The following FRY variants were observed in gnomAD, a reference collection of about 807,000 sequenced individuals.
FRY encodes the protein FRY microtubule binding protein, also known as protein furry homolog.
A neutral mutation model predicts 348.4 loss-of-function variants in FRY; 128 were observed. The observed-to-expected ratio is 0.37, with a 90% CI of 0.32 to 0.43. FRY has a LOEUF of 0.43. FRY is among the 20% of genes least tolerant of loss of function. The pLI, the probability that FRY is intolerant of heterozygous loss-of-function variation, is 1.00. For synonymous variants in FRY, 1,370 were observed against 1,374.7 expected (o/e 1.00, Z 0.08); for missense variants, 2,736 against 3,695.2 (o/e 0.74, Z 6.73).
chr13:32,166,353 A>G (rs1157485437), intron 17 of FRY, among the ~76,000 whole-genome samples: 1 of 152,184 alleles, frequency 6.6e-6, no homozygotes, highest in Non-Finnish European at 1.5e-5. Context: ...TTCCTGGTCT[A>G]GTTTCTCTAT....
intron 46 of FRY, among the ~76,000 whole-genome samples, chr13:32,241,142 A>G (rs763692227): frequency 2.0e-5 from 3 of 152,176 alleles, no homozygotes; most frequent in Non-Finnish European, 2.9e-5. Context: ...GCACACACAC[A>G]CCTCAGCACA....
At chr13:32,077,898 TCAGCATTC>T (rs528536968) in intron 1 of FRY, among the ~76,000 whole-genome samples, 39 of 152,348 alleles carry the variant, frequency 2.6e-4, no homozygotes, top group Admixed American at 7.8e-4. Context: ...CTTCCTGTTC[TCAGCATTC>T]CCAATGCCTC....
At chr13:32,075,789 A>G (rs780481447) in intron 1 of FRY, among the ~76,000 whole-genome samples, 46 of 152,228 alleles carry the variant, frequency 3.0e-4, no homozygotes, top group Admixed American at 7.8e-4. Context: ...ACCTAGTTCA[A>G]GTACACTTAC....
intron 29 of FRY, among the ~76,000 whole-genome samples, chr13:32,195,409 T>A (rs1486940494): frequency 1.3e-5 from 2 of 152,212 alleles, no homozygotes; most frequent in African/African-American, 2.4e-5. Flanking sequence ...TGCTTTTTTT[T>A]AAATTTTCAG....
intron 44 of FRY, among the ~76,000 whole-genome samples, chr13:32,238,356 G>C (rs569689012): frequency 6.6e-6 from 1 of 151,052 alleles, no homozygotes; most frequent in Non-Finnish European, 1.5e-5. Context: ...TCTGCTTTTT[G>C]TTCTTCTTGG....
intron 3 of FRY, among the ~76,000 whole-genome samples, chr13:32,111,033 C>T (rs951539227): frequency 6.6e-6 from 1 of 152,302 alleles, no homozygotes; most frequent in Middle Eastern, 3.4e-3. Context: ...GGAAGAAATC[C>T]TTTCCAGGAG....
At chr13:32,255,302 C>T (rs1887276534) in intron 51 of FRY, among the ~76,000 whole-genome samples, 1 of 152,158 alleles carries the variant, frequency 6.6e-6, no homozygotes, top group South Asian at 2.1e-4. Flanking sequence ...GGCCTAGATC[C>T]CAAGTTTAGG....
chr13:32,140,722 C>G (rs1880012615), intron 11 of FRY, among the ~76,000 whole-genome samples: 1 of 152,094 alleles, frequency 6.6e-6, no homozygotes, highest in Admixed American at 6.6e-5. Context: ...AGAAAAATCT[C>G]AAAACAAGTG....
chr13:32,195,335 A>G (rs989572985), intron 29 of FRY, among the ~76,000 whole-genome samples: 4 of 152,224 alleles, frequency 2.6e-5, no homozygotes, highest in Non-Finnish European at 5.9e-5. Flanking sequence ...TATAAGCATT[A>G]CTAAAAAATA....
intron 55 of FRY, among the ~76,000 whole-genome samples, chr13:32,274,056 G>T (rs1360976282): frequency 6.6e-6 from 1 of 152,104 alleles, no homozygotes; most frequent in Non-Finnish European, 1.5e-5. Context: ...TCAGATAAGG[G>T]ATACTCAACC....
chr13:32,237,237 A>C lies in FRY; in HGVS notation c.5811-142A>C. On this transcript the variant is annotated intron_variant, in intron 43 of 60. Transcript: ENST00000542859. The surrounding 1 kb of genome is among the most constrained non-coding windows in gnomAD (Gnocchi z 6.3). ...CTTGTTTTGTTTTTTATAGCTTTAA[A>C]GATAAGGAAAAATAAATGAATAGAA... The C allele has an allele frequency of 1.2e-6, 1 of 848,388 alleles. No individual in the cohort carries two copies. The highest frequency in any genetic ancestry group is 1.6e-5 in the South Asian group (1 of 61,020). 52.6% of individuals were successfully genotyped at this position (848,388 alleles called of 1,614,324 possible).
chr13:32,039,479 GTCTC>G lies in FRY; in HGVS notation c.70+7619_70+7622del, dbSNP rs1872668667. The stretch of plus-strand genomic sequence containing the variant: ...TCTCTCTCTCTTTCTTTCTCTCTCT[GTCTC>G]TCTCCCACCTCCCCCCCCATACGTG... On this transcript the variant is annotated intron_variant, in intron 1 of 60. Coordinates refer to ENST00000542859, the MANE Select transcript of FRY (RefSeq NM_023037.3). Among the ~76,000 whole-genome samples, 3 of 111,242 alleles carry G rather than the reference GTCTC, an allele frequency of 2.7e-5. No homozygotes were observed. The South Asian group carries it at 9.2e-4, about 34-fold the overall frequency. The allele number at this position is 111,242 out of a possible 152,430, so 73.0% of individuals were successfully genotyped here.
intron 55 of FRY, among the ~76,000 whole-genome samples, chr13:32,270,750 C>T (rs1888160970): frequency 6.6e-6 from 1 of 152,186 alleles, no homozygotes; most frequent in Non-Finnish European, 1.5e-5. Context: ...CTTCCCCTGG[C>T]ATCTCGGGAT....
chr13:32,116,464 T>C (rs1199567404), intron 3 of FRY, among the ~76,000 whole-genome samples: 1 of 152,142 alleles, frequency 6.6e-6, no homozygotes, highest in African/African-American at 2.4e-5. Context: ...AGCAGAAGTT[T>C]TTGGTTTTGA....
chr13:32,183,595 G>A (rs1311605731), intron 24 of FRY, among the ~76,000 whole-genome samples: 1 of 152,022 alleles, frequency 6.6e-6, no homozygotes, highest in Non-Finnish European at 1.5e-5. Flanking sequence ...GGCCAATATG[G>A]TGAAACCCCA....
intron 4 of FRY, among the ~76,000 whole-genome samples, chr13:32,122,419 A>G (rs113349777): frequency 0.08 from 12,022 of 150,920 alleles, 525 homozygotes; most frequent in African/African-American, 0.13. Flanking sequence ...TCCAGCCTGG[A>G]CGACAGAGTG....
At chr13:32,079,226 T>A (rs910382241) in intron 2 of FRY, among the ~76,000 whole-genome samples, 193 bp downstream of exon 2, 1 of 152,232 alleles carries the variant, frequency 6.6e-6, no homozygotes, top group Non-Finnish European at 1.5e-5. Context: ...GTTGAGGATT[T>A]TAAAACGATC....
At chr13:32,213,804 G>C (rs1884821159) in intron 35 of FRY, among the ~76,000 whole-genome samples, 1 of 152,198 alleles carries the variant, frequency 6.6e-6, no homozygotes, top group Non-Finnish European at 1.5e-5. Flanking sequence ...CCAGAGTTCT[G>C]AGTGTCCTGC....
At chr13:32,214,995 C>T (rs942897767) in intron 35 of FRY, among the ~76,000 whole-genome samples, 2 of 152,106 alleles carry the variant, frequency 1.3e-5, no homozygotes, top group African/African-American at 4.8e-5. Flanking sequence ...AATGCCGTTC[C>T]TACTGACAAA....
Sources: allele counts gnomAD v4.1 joint callset (sites outside exome capture counted in the v4.1 genomes callset), GRCh38; gene constraint gnomAD v4.1.1; non-coding constraint Gnocchi (gnomAD v3.1); transcripts MANE v1.5; gene names NCBI Gene and HGNC (gene_info 2026-07-23, HGNC 2026-07-21).